The following OR7E24 variants were observed in gnomAD, a reference collection of about 807,000 sequenced individuals.
The protein encoded by OR7E24 is olfactory receptor family 7 subfamily E member 24, also known as olfactory receptor 7E24.
For synonymous variants in OR7E24, 130 were observed against 157.5 expected (o/e 0.83, Z 1.31); for missense variants, 385 against 410.3 (o/e 0.94, Z 0.53).
At chr19:9,223,274 C>G in the OR7E24 span, among the ~76,000 whole-genome samples, 1 of 152,206 alleles carries the variant, frequency 6.6e-6, no homozygotes, top group African/African-American at 2.4e-5. Flanking sequence ...CATTCCGAAG[C>G]AGCACCAGCT....
At chr19:9,209,947 C>T in the OR7E24 span, 1 of 152,130 alleles carries the variant, frequency 6.6e-6, no homozygotes, top group Non-Finnish European at 1.5e-5. Flanking sequence ...GCCACCACAC[C>T]CAGGTAAAAC....
At chr19:9,236,332 A>G in the OR7E24 span, among the ~76,000 whole-genome samples, 3 of 152,028 alleles carry the variant, frequency 2.0e-5, no homozygotes, top group African/African-American at 7.2e-5. Context: ...CCAACAGGTG[A>G]AACCCTGTCT....
chr19:9,228,439 C>A, the OR7E24 span, among the ~76,000 whole-genome samples: 2 of 151,804 alleles, frequency 1.3e-5, no homozygotes, highest in African/African-American at 4.9e-5. Flanking sequence ...TACTCCATGC[C>A]CCCGTTAGGC....
In OR7E24 at chr19:9,252,135, T is replaced by C. The variant is rs1411398751; in HGVS notation, c.*72T>C. Reference sequence around the variant, plus strand: ...TGGTCACATTATTTTGGTTGCTTGATGGCTTTCATTCCTCTCTGGGTTTCG... The same window carrying C: ...TGGTCACATTATTTTGGTTGCTTGACGGCTTTCATTCCTCTCTGGGTTTCG... On this transcript the variant is annotated 3_prime_UTR_variant, in exon 1 of 1. Transcript: ENST00000456448. 2.3e-6 allele frequency: 3 copies of C among 1,281,866 alleles called. No homozygotes were observed. The African/African-American group carries it at 4.4e-5, about 19-fold the overall frequency. 79.4% of individuals were successfully genotyped at this position (1,281,866 alleles called of 1,614,324 possible).
At chr19:9,241,742 C>T in the OR7E24 span, among the ~76,000 whole-genome samples, 22 of 152,012 alleles carry the variant, frequency 1.4e-4, no homozygotes, top group Admixed American at 2.0e-4. Flanking sequence ...CCAGCCTGGG[C>T]GACAGAGTGA....
the OR7E24 span, chr19:9,214,661 C>G: frequency 6.2e-7 from 1 of 1,613,944 alleles, no homozygotes; most frequent in African/African-American, 1.3e-5. Context: ...GGAAGAAGTA[C>G]ATGGGGGTGT....
At chr19:9,228,556 T>C in the OR7E24 span, among the ~76,000 whole-genome samples, 1 of 152,184 alleles carries the variant, frequency 6.6e-6, no homozygotes. Flanking sequence ...TATGGGCTAT[T>C]ACTGTCCTAC....
At chr19:9,207,740 C>G in the OR7E24 span, 1 of 152,242 alleles carries the variant, frequency 6.6e-6, no homozygotes. Context: ...CTACTCAGCT[C>G]TTTCATGCTA....
the OR7E24 span, chr19:9,214,598 C>T: frequency 6.2e-7 from 1 of 1,614,138 alleles, no homozygotes; most frequent in South Asian, 1.1e-5. Context: ...TCACTAGCAT[C>T]TTGGGGACTG....
At chr19:9,226,132 G>C in the OR7E24 span, among the ~76,000 whole-genome samples, 1 of 152,194 alleles carries the variant, frequency 6.6e-6, no homozygotes, top group Middle Eastern at 3.2e-3. Flanking sequence ...GCAGCAGCAT[G>C]GCTTGAAGTT....
At chr19:9,243,135 C>T (rs1420048001), upstream of OR7E24, among the ~76,000 whole-genome samples, 4 of 152,056 alleles carry the variant, frequency 2.6e-5, no homozygotes, top group African/African-American at 9.7e-5. Flanking sequence ...GCAGTTCACC[C>T]TTTTGATGAG....
chr19:9,251,088 T>C lies in OR7E24; in HGVS notation c.45T>C (p.Cys15=). Residue 15 remains cysteine, a synonymous_variant, in exon 1 of 1, where the codon TGT becomes TGC. Coordinates refer to ENST00000456448, the MANE Select transcript of OR7E24 (RefSeq NM_001079935.2). ...TCTTTTTTTTTTTCCTCAAAAGGTG[T>C]CCGAGCTACACAGAGCCACAGAATC... ...PILFFFFLKR[C]PSYTEPQNLT... is the part of the protein sequence containing the mutation. The C allele has an allele frequency of 6.8e-6, 11 of 1,611,270 alleles. No homozygotes were observed. Among genetic ancestry groups the C allele is most frequent in the Non-Finnish European group, 9.3e-6 (11 of 1,178,736 alleles).
the OR7E24 span, among the ~76,000 whole-genome samples, chr19:9,230,650 T>C: frequency 6.6e-6 from 1 of 152,220 alleles, no homozygotes; most frequent in Non-Finnish European, 1.5e-5. Flanking sequence ...TCTTTTATAA[T>C]TTTACTATGT....
the OR7E24 span, chr19:9,206,727 T>G: frequency 6.6e-6 from 1 of 152,164 alleles, no homozygotes; most frequent in African/African-American, 2.4e-5. Flanking sequence ...ATATTGAGGG[T>G]GTTAATTGAG....
chr19:9,238,542 C>T, the OR7E24 span, among the ~76,000 whole-genome samples: 1 of 152,180 alleles, frequency 6.6e-6, no homozygotes, highest in Admixed American at 6.5e-5. Flanking sequence ...ATTCCCCACC[C>T]ATTTGTATGT....
At chr19:9,227,816 G>C in the OR7E24 span, among the ~76,000 whole-genome samples, 7 of 145,068 alleles carry the variant, frequency 4.8e-5, no homozygotes, top group Non-Finnish European at 1.1e-4. Context: ...TGCAGTGGCG[G>C]GATCTCGGCT....
At chr19:9,227,884 G>T in the OR7E24 span, among the ~76,000 whole-genome samples, 1 of 148,608 alleles carries the variant, frequency 6.7e-6, no homozygotes, top group Non-Finnish European at 1.5e-5. Context: ...CTCCCAAGTA[G>T]CTGGGACTAC....
the OR7E24 span, among the ~76,000 whole-genome samples, chr19:9,223,088 T>C: frequency 7.2e-4 from 109 of 152,316 alleles, 2 homozygotes; most frequent in Middle Eastern, 3.4e-3. Flanking sequence ...TCTGTGAGTT[T>C]GATGTTTCTT....
At chr19:9,249,220 TTG>T (rs2066138577), upstream of OR7E24, among the ~76,000 whole-genome samples, 1 of 152,164 alleles carries the variant, frequency 6.6e-6, no homozygotes, top group African/African-American at 2.4e-5. Context: ...GTACTGAGGA[TTG>T]TGAGAGGAAT....
Sources: gnomAD v4.1 joint callset for allele counts (sites outside exome capture counted in the v4.1 genomes callset) on GRCh38, gnomAD v4.1.1 for gene constraint, MANE v1.5 for transcripts, NCBI Gene and HGNC (gene_info 2026-07-23, HGNC 2026-07-21) for gene names.